MAP4K1: variants seen among roughly 807,000 people sequenced by gnomAD.
The protein encoded by MAP4K1 is mitogen-activated protein kinase kinase kinase kinase 1.
A neutral mutation model predicts 122.8 loss-of-function variants in MAP4K1; 35 were observed. That is an observed-to-expected ratio of 0.29 (90% confidence interval 0.22 to 0.38). The LOEUF (loss-of-function observed/expected upper bound fraction) is 0.38, where lower values mean the gene tolerates loss of function less well. Among genes scored for constraint, MAP4K1 ranks in the 10% least tolerant of loss-of-function variants. The probability of loss-of-function intolerance (pLI) is 1.00; values close to 1 mark genes in which losing one functional copy is unlikely to be tolerated. For synonymous variants in MAP4K1, 412 were observed against 421.3 expected (o/e 0.98, Z 0.27); for missense variants, 791 against 1,072.6 (o/e 0.74, Z 3.67).
At chr19:38,608,219 T>G in intron 13 of MAP4K1, 49 bp from the exon 14 acceptor site, 1 of 895,992 alleles carries the variant, frequency 1.1e-6, no homozygotes, top group Non-Finnish European at 1.7e-6. Flanking sequence ...GGGCAAGGGG[T>G]AACGAGATGG....
chr19:38,590,436 T>TATATATATATAA (rs1246449708), intron 30 of MAP4K1, among the ~76,000 whole-genome samples: 14 of 110,658 alleles, frequency 1.3e-4, no homozygotes, highest in African/African-American at 4.0e-4. Flanking sequence ...TATATATATA[T>TATATATATATAA]AATCACGGGC....
rs201052692 is a variant in MAP4K1, at chr19:38,603,137, CAT to C, written c.1447-1614_1447-1613del. On this transcript the variant is annotated intron_variant, in intron 19 of 30. Transcript: ENST00000396857. ...ACACATGTACATATATACGCATATA[CAT>C]ATATACACACATATACATGTATACA... Among the ~76,000 whole-genome samples the C allele has an allele frequency of 1.2e-3, 172 of 144,808 alleles. 5 individuals are homozygous for C. Among genetic ancestry groups the C allele is most frequent in the African/African-American group, 4.3e-3 (161 of 37,868 alleles). The allele number at this position is 144,808 out of a possible 152,430, so 95.0% of individuals were successfully genotyped here.
intron 27 of MAP4K1, 25 bp downstream of exon 27, chr19:38,595,914 G>A (rs1466023471): frequency 1.2e-6 from 2 of 1,611,928 alleles, no homozygotes; most frequent in Non-Finnish European, 1.7e-6. Flanking sequence ...GGGTGGGGAG[G>A]AAGGGGAGGA....
chr19:38,602,293 T>G (rs978335671), intron 19 of MAP4K1, among the ~76,000 whole-genome samples: 1 of 152,096 alleles, frequency 6.6e-6, no homozygotes, highest in Admixed American at 6.6e-5. Context: ...CAGGCTGGTC[T>G]CGAACTCCTG....
intron 25 of MAP4K1, 55 bp downstream of exon 25, chr19:38,596,979 C>G (rs1974908585): frequency 2.0e-6 from 3 of 1,519,246 alleles, no homozygotes; most frequent in African/African-American, 1.4e-5. Context: ...GCAAAGGGTG[C>G]AAGGCCTTAG....
chr19:38,609,909 C>T lies in MAP4K1; in HGVS notation c.927G>A (p.Glu309=). Residue 309 remains glutamate, a splice_region_variant and synonymous_variant, in exon 12 of 31, where the codon GAG becomes GAA. Coordinates refer to ENST00000396857, the MANE Select transcript of MAP4K1 (RefSeq NM_001042600.3). ...TGCTCTTGTCAGCCAAGGCTCTCACCTCGGGCTCCTCATCCTCAATGTCCC... is the reference window on the plus strand; with the variant it reads ...TGCTCTTGTCAGCCAAGGCTCTCACTTCGGGCTCCTCATCCTCAATGTCCC... ...SIGDIEDEEP[E]LPPAIPRRIR... 6.2e-7 allele frequency: 1 copy of T among 1,613,466 alleles called. No individual in the cohort carries two copies. Among genetic ancestry groups the T allele is most frequent in the Non-Finnish European group, 8.5e-7 (1 of 1,179,324 alleles).
chr19:38,595,271 A>G (rs981668039), intron 29 of MAP4K1, among the ~76,000 whole-genome samples: 1 of 152,316 alleles, frequency 6.6e-6, no homozygotes, highest in East Asian at 1.9e-4. Context: ...CCTGGGCAAC[A>G]AGAGTGAAAC....
chr19:38,599,828 TAA>T lies in MAP4K1; in HGVS notation c.1669+95_1669+96del, dbSNP rs1052469835. On this transcript the variant is annotated intron_variant, in intron 22 of 30. Transcript: ENST00000396857. ...CCTAGGACTTTGTGACCAAGCAGTC[TAA>T]GTTTTTTTTCAGCTGTGCCCGTCTA... is the stretch of plus-strand genomic sequence containing the variant. 3.8e-5 allele frequency: 44 copies of T among 1,158,074 alleles called. No homozygotes were observed. In the African/African-American group the frequency reaches 6.5e-4, roughly 17 times the overall value. 71.7% of individuals were successfully genotyped at this position (1,158,074 alleles called of 1,614,324 possible).
At chr19:38,610,774 AGAGACTGTGGT>A (rs1975473164) in intron 11 of MAP4K1, among the ~76,000 whole-genome samples, 1 of 152,156 alleles carries the variant, frequency 6.6e-6, no homozygotes, top group Admixed American at 6.6e-5. Flanking sequence ...TTGTCTTGGA[AGAGACTGTGGT>A]TCCCTGGGGA....
intron 19 of MAP4K1, 52 bp downstream of exon 19, chr19:38,605,354 CAGG>C: frequency 1.5e-6 from 2 of 1,372,732 alleles, no homozygotes; most frequent in Non-Finnish European, 2.0e-6. Flanking sequence ...CCCACCCCAC[CAGG>C]CATCCCCAGC....
At chr19:38,593,025 G>A (rs1218347033) in intron 30 of MAP4K1, among the ~76,000 whole-genome samples, 1 of 152,026 alleles carries the variant, frequency 6.6e-6, no homozygotes, top group Non-Finnish European at 1.5e-5. Context: ...ACTTGAGCCT[G>A]GGAGGTCAAG....
chr19:38,609,487 T>C, intron 13 of MAP4K1, 109 bp downstream of exon 13: 6 of 937,926 alleles, frequency 6.4e-6, no homozygotes, highest in Non-Finnish European at 8.4e-6. Flanking sequence ...GGGTCTCTTA[T>C]AGGATCAGAT....
At chr19:38,600,010 C>G (rs1452645741) in intron 21 of MAP4K1, 25 bp from the exon 22 acceptor site, 1 of 1,614,046 alleles carries the variant, frequency 6.2e-7, no homozygotes, top group East Asian at 2.2e-5. Flanking sequence ...AGAGATGGCT[C>G]TGGTGACACC....
At chr19:38,608,828 A>AAAAAAAAAAACAC (rs1555811720) in intron 13 of MAP4K1, among the ~76,000 whole-genome samples, 1 of 137,138 alleles carries the variant, frequency 7.3e-6, no homozygotes, top group East Asian at 2.3e-4. Context: ...AAAAAAAAAA[A>AAAAAAAAAAACAC]ACATTAGCCA....
At position 38,610,991 on chromosome 19, in the gene MAP4K1, G is replaced by C. The variant is rs939246755; in HGVS notation, c.810+60C>G. On this transcript the variant is annotated intron_variant, in intron 11 of 30. Transcript: ENST00000396857. ...ATGGAACAAAGTTATCCATGTCCTC[G>C]GGAGTTGTGGAAGGCCCCAGGGAAT... The C allele has an allele frequency of 2.1e-6, 3 of 1,416,134 alleles. No homozygotes were observed. In the African/African-American group the frequency reaches 4.3e-5, roughly 20 times the overall value. 87.7% of individuals were successfully genotyped at this position (1,416,134 alleles called of 1,614,324 possible).
intron 4 of MAP4K1, 196 bp from the exon 5 acceptor site, chr19:38,614,641 C>T (rs1975594617): frequency 1.3e-5 from 8 of 627,838 alleles, no homozygotes; most frequent in Non-Finnish European, 2.2e-5. Context: ...GGCCAATAGG[C>T]CTGGCGCAGT....
intron 19 of MAP4K1, among the ~76,000 whole-genome samples, chr19:38,602,903 TAC>T (rs757742315): frequency 5.4e-5 from 8 of 149,094 alleles, no homozygotes; most frequent in African/African-American, 1.2e-4. Context: ...TGTACATATA[TAC>T]ACACATGTAC....
At position 38,606,167 on chromosome 19, in the gene MAP4K1, C is replaced by A; in HGVS notation, c.1200+6G>T. 2 of 1,581,404 alleles carry A rather than the reference C, an allele frequency of 1.3e-6. No individual in the cohort carries two copies. Among genetic ancestry groups the A allele is most frequent in the South Asian group, 1.2e-5 (1 of 86,326 alleles). On this transcript the variant is annotated splice_donor_region_variant and intron_variant, in intron 17 of 30. Transcript: ENST00000396857. ...CCAGCCTCCCAGCTCTGGCCCAGGG[C>A]CTTACCTTGGGGGGAAGTGGAGGAG...
rs1201448035 is a variant in MAP4K1 at position 38,609,688 on chromosome 19, CA to C, written c.928-15del. 7 of 1,604,760 alleles carry C rather than the reference CA, an allele frequency of 4.4e-6. No homozygotes were observed. The highest frequency in any genetic ancestry group is 6.0e-6 in the Non-Finnish European group (7 of 1,175,774). ...AGCAGGGGGTAGCTGGGCAGAGGGG[CA>C]GCCACGTCAGGGCTCAAGACCCCCA... On this transcript the variant is annotated splice_polypyrimidine_tract_variant and intron_variant, in intron 12 of 30. Transcript: ENST00000396857.
Sources: gnomAD v4.1 joint callset for allele counts (sites outside exome capture counted in the v4.1 genomes callset) on GRCh38, gnomAD v4.1.1 for gene constraint, MANE v1.5 for transcripts, NCBI Gene and HGNC (gene_info 2026-07-23, HGNC 2026-07-21) for gene names.